TUBGCP3: variants seen among roughly 807,000 people sequenced by gnomAD.
TUBGCP3 encodes tubulin gamma complex component 3.
Under a neutral mutation model 123.1 loss-of-function variants are expected in TUBGCP3, and 50 were observed. The ratio of observed to expected loss-of-function variants is 0.41; its 90% CI spans 0.32 to 0.51. The LOEUF (loss-of-function observed/expected upper bound fraction) is 0.51. Ranked by LOEUF, TUBGCP3 falls within the 20% of genes least tolerant of loss-of-function variation. TUBGCP3 has a pLI of 0.36. For synonymous variants in TUBGCP3, 405 were observed against 413.9 expected (o/e 0.98, Z 0.26); for missense variants, 882 against 1,127.0 (o/e 0.78, Z 3.11).
chr13:112,579,775 T>C (rs1489533401), intron 1 of TUBGCP3, among the ~76,000 whole-genome samples: 1 of 152,248 alleles, frequency 6.6e-6, no homozygotes, highest in African/African-American at 2.4e-5. Flanking sequence ...GAAAAGAGTC[T>C]GGCAACTTCT....
chr13:112,545,956 T>C lies in TUBGCP3; in HGVS notation c.1169-91A>G. ...TTCTCACCAACCAAAGACGCCCAAG[T>C]AATTGAGATAAAGAGCATTTGTTTT... is the stretch of plus-strand genomic sequence containing the variant. On this transcript the variant is annotated intron_variant, in intron 10 of 21. Transcript: ENST00000261965. The surrounding 1 kb of genome is among the most constrained non-coding windows in gnomAD (Gnocchi z 4.1). 2 of 1,413,344 alleles carry C rather than the reference T, an allele frequency of 1.4e-6. No individual in the cohort carries two copies. Among genetic ancestry groups the C allele is most frequent in the Non-Finnish European group, 2.0e-6 (2 of 1,022,506 alleles). The allele number at this position is 1,413,344 out of a possible 1,614,324, so 87.6% of individuals were successfully genotyped here.
At chr13:112,569,916 G>A (rs368275084) in intron 1 of TUBGCP3, among the ~76,000 whole-genome samples, 3 of 152,292 alleles carry the variant, frequency 2.0e-5, no homozygotes, top group Admixed American at 2.0e-4. Flanking sequence ...TGTCCGTCAA[G>A]TTAAGAATGG....
At chr13:112,582,611 G>A (rs1338737356) in intron 1 of TUBGCP3, among the ~76,000 whole-genome samples, 3 of 152,236 alleles carry the variant, frequency 2.0e-5, no homozygotes, top group African/African-American at 7.2e-5. Flanking sequence ...ATGCCACTCA[G>A]TCAGTCACTC....
Position 112,524,445 on chromosome 13 carries a change from T to C in TUBGCP3, c.1556-1936A>G, listed in dbSNP as rs995435477. ...GCACAGCAGGCGCATGGGGACGCCC[T>C]GTCCCAGGCACAGCCCATGTGTGCG... is the stretch of plus-strand genomic sequence containing the variant. On this transcript the variant is annotated intron_variant, in intron 13 of 21. Coordinates refer to ENST00000261965, the MANE Select transcript of TUBGCP3 (RefSeq NM_006322.6). The surrounding 1 kb of genome is among the most constrained non-coding windows in gnomAD (Gnocchi z 4.4). Among the ~76,000 whole-genome samples, 1 of 152,200 alleles carries C rather than the reference T, an allele frequency of 6.6e-6. No homozygotes were observed. Among genetic ancestry groups the C allele is most frequent in the African/African-American group, 2.4e-5 (1 of 41,448 alleles).
At chr13:112,527,534 A>G (rs780367330) in intron 11 of TUBGCP3, 50 bp from the exon 12 acceptor site, 1 of 1,299,970 alleles carries the variant, frequency 7.7e-7, no homozygotes, top group Admixed American at 1.8e-5. Context: ...TTATGGCAAA[A>G]TATTAACCAA....
chr13:112,521,552 G>T, intron 14 of TUBGCP3: 2 of 480,690 alleles, frequency 4.2e-6, no homozygotes, highest in Non-Finnish European at 5.4e-6. Context: ...TTTCTAGTCT[G>T]TGATACACTG....
chr13:112,573,184 T>C (rs1594221045), intron 1 of TUBGCP3, among the ~76,000 whole-genome samples: 1 of 151,076 alleles, frequency 6.6e-6, no homozygotes, highest in South Asian at 2.1e-4. Flanking sequence ...TATAATGGCC[T>C]ACGAGATTAG....
In TUBGCP3 at chr13:112,511,047, C is replaced by T. The variant is rs558713503; in HGVS notation, c.2086+5393G>A. Among the ~76,000 whole-genome samples the T allele has an allele frequency of 6.6e-6, 1 of 152,278 alleles. No homozygotes were observed. Among genetic ancestry groups the T allele is most frequent in the African/African-American group, 2.4e-5 (1 of 41,574 alleles). ...GGATACAAAAACACAGATAGATACA[C>T]AAAGAAATTTTTAAAGAGAAAAACT... On this transcript the variant is annotated intron_variant, in intron 17 of 21. Transcript: ENST00000261965. The surrounding 1 kb of genome is among the most constrained non-coding windows in gnomAD (Gnocchi z 4.1).
chr13:112,556,998 G>T (rs113350052), intron 5 of TUBGCP3, among the ~76,000 whole-genome samples: 2,469 of 152,014 alleles, frequency 0.016, 76 homozygotes, highest in African/African-American at 0.056. Flanking sequence ...TGCAATACTG[G>T]GGGGGTTTAT....
At chr13:112,548,257 TTAGA>T in intron 8 of TUBGCP3, 81 bp from the exon 9 acceptor site, 1 of 1,097,690 alleles carries the variant, frequency 9.1e-7, no homozygotes, top group East Asian at 2.5e-5. Context: ...TATAATGCGT[TTAGA>T]TAAAGTTCAG....
chr13:112,551,018 G>C, intron 8 of TUBGCP3, among the ~76,000 whole-genome samples: 1 of 152,056 alleles, frequency 6.6e-6, no homozygotes, highest in Non-Finnish European at 1.5e-5. Context: ...AGAATGGCGT[G>C]AACATGGGAG....
chr13:112,597,077 C>G, the TUBGCP3 span, among the ~76,000 whole-genome samples: 1 of 152,174 alleles, frequency 6.6e-6, no homozygotes, highest in African/African-American at 2.4e-5. Context: ...GGGATACTGA[C>G]AAGCTGAAAC....
At chr13:112,596,557 G>C in the TUBGCP3 span, among the ~76,000 whole-genome samples, 1 of 151,934 alleles carries the variant, frequency 6.6e-6, no homozygotes, top group Non-Finnish European at 1.5e-5. Context: ...TTCGGAGTTT[G>C]ACTATGAAAT....
rs139870044 is a variant in TUBGCP3, at chr13:112,557,234, T to C, written c.548+962A>G. ...TCTGAGGTATAAATGAGAATGTCAA[T>C]TGATTCTTTTAGCTGGAACTTAAAT... On this transcript the variant is annotated intron_variant, in intron 5 of 21. Transcript: ENST00000261965. Among the ~76,000 whole-genome samples the C allele has an allele frequency of 5.0e-3, 758 of 152,332 alleles. 7 individuals carry two copies. Among genetic ancestry groups the C allele is most frequent in the African/African-American group, 0.017 (723 of 41,584 alleles).
At chr13:112,504,741 G>A (rs765305886) in intron 17 of TUBGCP3, 27 bp from the exon 18 acceptor site, 10 of 1,588,312 alleles carry the variant, frequency 6.3e-6, no homozygotes, top group Middle Eastern at 1.7e-4. Context: ...GACGTCAGAG[G>A]TGCAATGCAA....
At chr13:112,494,921 A>T (rs1880428086) in intron 20 of TUBGCP3, among the ~76,000 whole-genome samples, 1 of 152,130 alleles carries the variant, frequency 6.6e-6, no homozygotes, top group African/African-American at 2.4e-5. Flanking sequence ...GAATTACTAG[A>T]GTTTTTTCCT....
At chr13:112,521,681 A>G (rs1876637807) in intron 14 of TUBGCP3, 4 of 985,454 alleles carry the variant, frequency 4.1e-6, no homozygotes, top group Non-Finnish European at 4.8e-6. Flanking sequence ...TCCTAAAAGG[A>G]ACACCAGAAA....
chr13:112,571,680 G>A (rs1210650147), intron 1 of TUBGCP3, among the ~76,000 whole-genome samples: 3 of 152,102 alleles, frequency 2.0e-5, no homozygotes, highest in East Asian at 1.9e-4. Flanking sequence ...CTTATTAGAC[G>A]CCAATAAGAT....
chr13:112,493,400 T>G (rs1481915199), intron 20 of TUBGCP3, among the ~76,000 whole-genome samples: 70 of 95,802 alleles, frequency 7.3e-4, no homozygotes, highest in Middle Eastern at 0.01. Context: ...TATGGGAACG[T>G]GGCCTGGTGT....
Sources: gnomAD v4.1 joint callset for allele counts (sites outside exome capture counted in the v4.1 genomes callset) on GRCh38, gnomAD v4.1.1 for gene constraint, Gnocchi (gnomAD v3.1) non-coding constraint, MANE v1.5 for transcripts, NCBI Gene and HGNC (gene_info 2026-07-23, HGNC 2026-07-21) for gene names.